Variants in FTO observed in about 807,000 individuals in gnomAD.
FTO encodes the protein FTO alpha-ketoglutarate dependent dioxygenase.
In FTO, 47 loss-of-function variants were observed where a neutral mutation model predicts 63.9. That is an observed-to-expected ratio of 0.74 (90% CI 0.58 to 0.94). The LOEUF (loss-of-function observed/expected upper bound fraction) is 0.94. Among genes scored for constraint, FTO ranks in the 40% least tolerant of loss-of-function variants. FTO has a pLI of 0.00. For missense variants in FTO, 562 were observed against 618.1 expected, an observed-to-expected ratio of 0.91 and a Z score of 0.96; for synonymous variants, 207 against 224.4, an observed-to-expected ratio of 0.92 and a Z score of 0.69.
chr16:53,741,725 G>T (rs963842797), intron 1 of FTO, among the ~76,000 whole-genome samples: 4 of 152,128 alleles, frequency 2.6e-5, no homozygotes, highest in African/African-American at 9.7e-5. Context: ...TTATTGTTGT[G>T]TATCAAGTTA....
At chr16:54,016,126 C>G (rs1176064035) in intron 8 of FTO, among the ~76,000 whole-genome samples, 2 of 152,058 alleles carry the variant, frequency 1.3e-5, no homozygotes, top group Admixed American at 1.3e-4. Flanking sequence ...AAAACTGAGA[C>G]CAAGAGGAAG....
intron 1 of FTO, among the ~76,000 whole-genome samples, chr16:53,710,210 A>T (rs2151462627): frequency 6.7e-6 from 1 of 149,458 alleles, no homozygotes; most frequent in South Asian, 2.1e-4. Flanking sequence ...TTTTTGTAGA[A>T]TGGCCCTGTA....
chr16:54,092,107 T>A (rs1303541268), intron 8 of FTO, among the ~76,000 whole-genome samples: 1 of 152,140 alleles, frequency 6.6e-6, no homozygotes, highest in African/African-American at 2.4e-5. Flanking sequence ...TGAGACACTG[T>A]CTCTACAAAA....
intron 8 of FTO, chr16:53,984,954 G>C (rs1284787398): frequency 2.2e-6 from 1 of 455,604 alleles, no homozygotes; most frequent in Non-Finnish European, 4.4e-6. Flanking sequence ...GAGGAGTGTT[G>C]GTAAGTAGAG....
chr16:54,072,302 A>T (rs1444524142), intron 8 of FTO: 1 of 152,082 alleles, frequency 6.6e-6, no homozygotes, highest in Non-Finnish European at 1.5e-5. Flanking sequence ...ACTGCAGTGG[A>T]TCATGTACTT....
Position 54,027,087 on chromosome 16 carries a change from GA to G in FTO, c.1365-84674del, listed in dbSNP as rs1490653561. Among the ~76,000 whole-genome samples, 14 of 116,848 alleles carry G rather than the reference GA, an allele frequency of 1.2e-4. No homozygotes were observed. In the East Asian group the frequency reaches 2.1e-3, roughly 17 times the overall value. The allele number at this position is 116,848 out of a possible 152,430, so 76.7% of individuals were successfully genotyped here. A position where few individuals can be genotyped will look rare whatever the true frequency, so the allele number is the denominator to read the frequency against. On this transcript the variant is annotated intron_variant, in intron 8 of 8. Coordinates refer to ENST00000471389, the MANE Select transcript of FTO (RefSeq NM_001080432.3). ...TATGAGAGTGTGAGAGAGAGACAGA[GA>G]GAGAGAAGAGAGAAGTCACCGAAAG...
intron 2 of FTO, among the ~76,000 whole-genome samples, chr16:53,820,852 G>T (rs8054908): frequency 2.0e-5 from 3 of 152,004 alleles, no homozygotes; most frequent in South Asian, 2.1e-4. Flanking sequence ...TGTGGAGTTG[G>T]GGGAGGAGCC....
At chr16:53,922,762 G>A (rs572491378) in intron 7 of FTO, among the ~76,000 whole-genome samples, 1 of 152,318 alleles carries the variant, frequency 6.6e-6, no homozygotes, top group South Asian at 2.1e-4. Context: ...ATGTCACCCA[G>A]AACCAACAGT....
chr16:53,798,810 G>A (rs1231289185), intron 1 of FTO, among the ~76,000 whole-genome samples: 7 of 152,170 alleles, frequency 4.6e-5, no homozygotes, highest in Non-Finnish European at 7.3e-5. Flanking sequence ...TAGAGGGGGT[G>A]ATGGGAAACA....
At chr16:53,704,920 T>G (rs1971935144) in intron 1 of FTO, among the ~76,000 whole-genome samples, 1 of 152,192 alleles carries the variant, frequency 6.6e-6, no homozygotes, top group African/African-American at 2.4e-5. Context: ...GCTTCACAGA[T>G]GAAGAACTGA....
chr16:54,101,848 T>G (rs2689263), intron 8 of FTO, among the ~76,000 whole-genome samples: 37,033 of 152,130 alleles, frequency 0.24, 5,674 homozygotes, highest in African/African-American at 0.43. Context: ...CTTTTAATAA[T>G]AGCCATTCTG....
chr16:53,872,403 C>T (rs2080526122), intron 4 of FTO, among the ~76,000 whole-genome samples: 1 of 152,198 alleles, frequency 6.6e-6, no homozygotes, highest in South Asian at 2.1e-4. Context: ...CCTTGGCCTC[C>T]CTATACTCCA....
chr16:54,093,779 G>A (rs1216084690), intron 8 of FTO, among the ~76,000 whole-genome samples: 4 of 152,108 alleles, frequency 2.6e-5, no homozygotes, highest in African/African-American at 7.2e-5. Flanking sequence ...AGCTACTGTC[G>A]TCCTCCACCC....
At chr16:54,066,967 G>A (rs2085746820) in intron 8 of FTO, among the ~76,000 whole-genome samples, 1 of 152,202 alleles carries the variant, frequency 6.6e-6, no homozygotes, top group African/African-American at 2.4e-5. Context: ...CTGTAGAGAG[G>A]TCACACTCAT....
chr16:53,772,664 TG>T lies in FTO; in HGVS notation c.46-37474del, dbSNP rs539162830. Among the ~76,000 whole-genome samples the T allele has an allele frequency of 2.8e-3, 424 of 152,272 alleles. 1 individual carries two copies. The highest frequency in any genetic ancestry group is 5.2e-3 in the Non-Finnish European group (354 of 68,006). On this transcript the variant is annotated intron_variant, in intron 1 of 8. Coordinates refer to ENST00000471389, the MANE Select transcript of FTO (RefSeq NM_001080432.3). ...AGGAAGACATGGATTTCCTTGGCAC[TG>T]GTGTTGAATTGGGACTAACTGTATT...
At chr16:53,905,837 A>G (rs2081524097) in intron 7 of FTO, among the ~76,000 whole-genome samples, 1 of 152,176 alleles carries the variant, frequency 6.6e-6, no homozygotes, top group Non-Finnish European at 1.5e-5. Flanking sequence ...CAAATGTTTC[A>G]TGGGTGTACG....
chr16:54,051,032 A>T (rs1298112212), intron 8 of FTO, among the ~76,000 whole-genome samples: 3 of 152,194 alleles, frequency 2.0e-5, no homozygotes, highest in African/African-American at 7.2e-5. Context: ...TGCATAATAG[A>T]AATGGGATTT....
intron 4 of FTO, among the ~76,000 whole-genome samples, chr16:53,855,041 T>A (rs980028582): frequency 1.7e-4 from 26 of 151,966 alleles, no homozygotes; most frequent in African/African-American, 2.4e-4. Context: ...TATTATTATT[T>A]TTTTTAGCTA....
At chr16:53,739,837 T>A (rs1185656629) in intron 1 of FTO, among the ~76,000 whole-genome samples, 1 of 152,142 alleles carries the variant, frequency 6.6e-6, no homozygotes, top group Non-Finnish European at 1.5e-5. Context: ...GCCTATTTTT[T>A]AGTGATTGTA....
Sources: allele counts gnomAD v4.1 joint callset (sites outside exome capture counted in the v4.1 genomes callset), GRCh38; gene constraint gnomAD v4.1.1; transcripts MANE v1.5; gene names NCBI Gene and HGNC (gene_info 2026-07-23, HGNC 2026-07-21).